Variants in TBC1D5 observed in about 807,000 individuals in gnomAD.
The protein encoded by TBC1D5 is TBC1 domain family, member 5.
A neutral mutation model predicts 100.3 loss-of-function variants in TBC1D5; 75 were observed. That is an observed-to-expected ratio of 0.75 (90% confidence interval 0.62 to 0.91). The LOEUF is 0.91. Ranked by LOEUF, TBC1D5 falls within the 40% of genes least tolerant of loss-of-function variation. The pLI, the probability that TBC1D5 is intolerant of heterozygous loss-of-function variation, is 0.00. For synonymous variants in TBC1D5, 323 were observed against 325.6 expected, an observed-to-expected ratio of 0.99 and a Z score of 0.09; for missense variants, 910 against 942.4, an observed-to-expected ratio of 0.97 and a Z score of 0.45.
intron 3 of TBC1D5, among the ~76,000 whole-genome samples, chr3:17,463,865 C>T (rs2095256242): frequency 6.6e-6 from 1 of 151,760 alleles, no homozygotes; most frequent in Non-Finnish European, 1.5e-5. Flanking sequence ...TATCTCTTCT[C>T]ACAGCTGTTG....
chr3:17,243,520 A>G (rs990903635), intron 16 of TBC1D5, among the ~76,000 whole-genome samples: 2 of 152,210 alleles, frequency 1.3e-5, no homozygotes, highest in African/African-American at 4.8e-5. Flanking sequence ...AATTAAAAAC[A>G]GTAGTAAGAG....
intron 1 of TBC1D5, among the ~76,000 whole-genome samples, chr3:17,724,923 AACT>A (rs1286519392): frequency 6.6e-6 from 1 of 152,136 alleles, no homozygotes; most frequent in African/African-American, 2.4e-5. Flanking sequence ...ATCTGCTGTT[AACT>A]ACACCCAACT....
chr3:17,160,760 C>T (rs2065953350), exon 22 of TBC1D5: 1 of 643,072 alleles, frequency 1.6e-6, no homozygotes, highest in Non-Finnish European at 2.5e-6. Context: ...AAAGCCCTGT[C>T]TGCATGTGGC....
chr3:17,426,427 A>G (rs2094337168), intron 4 of TBC1D5, among the ~76,000 whole-genome samples: 1 of 152,072 alleles, frequency 6.6e-6, no homozygotes, highest in Admixed American at 6.6e-5. Context: ...TCACACCTTA[A>G]ATACTATAAT....
At chr3:17,464,602 T>C (rs991022506) in intron 3 of TBC1D5, among the ~76,000 whole-genome samples, 3 of 152,178 alleles carry the variant, frequency 2.0e-5, no homozygotes, top group African/African-American at 7.2e-5. Context: ...TCTAACCTTA[T>C]TTAACTTACT....
At chr3:17,390,429 C>A (rs2093318208) in intron 8 of TBC1D5, among the ~76,000 whole-genome samples, 1 of 152,062 alleles carries the variant, frequency 6.6e-6, no homozygotes, top group Admixed American at 6.6e-5. Flanking sequence ...AGGGTTTTGT[C>A]ACCACATTAT....
intron 16 of TBC1D5, among the ~76,000 whole-genome samples, chr3:17,242,343 A>T (rs1283404588): frequency 1.3e-5 from 2 of 152,072 alleles, no homozygotes; most frequent in African/African-American, 4.8e-5. Flanking sequence ...TATTTTTTAG[A>T]TTTGATATTA....
intron 18 of TBC1D5, among the ~76,000 whole-genome samples, chr3:17,208,915 C>A (rs1420599480): frequency 6.6e-6 from 1 of 152,120 alleles, no homozygotes; most frequent in African/African-American, 2.4e-5. Flanking sequence ...ATACATTCTA[C>A]TTTGCTGTAA....
intron 15 of TBC1D5, among the ~76,000 whole-genome samples, chr3:17,271,311 C>G (rs949387778): frequency 6.6e-6 from 1 of 152,036 alleles, no homozygotes; most frequent in African/African-American, 2.4e-5. Context: ...TTGCAGTTCT[C>G]CTTGTAGAGA....
intron 4 of TBC1D5, among the ~76,000 whole-genome samples, chr3:17,426,626 A>G (rs1380356446): frequency 1.3e-5 from 2 of 152,088 alleles, no homozygotes; most frequent in African/African-American, 2.4e-5. Context: ...TATTTAGTTA[A>G]CAACGTAAGT....
intron 2 of TBC1D5, among the ~76,000 whole-genome samples, chr3:17,557,186 T>A (rs951401055): frequency 1.3e-5 from 2 of 152,208 alleles, no homozygotes; most frequent in African/African-American, 4.8e-5. Context: ...CATCAATAAT[T>A]GATCATAATA....
intron 15 of TBC1D5, among the ~76,000 whole-genome samples, chr3:17,271,304 C>T (rs553739581): frequency 3.3e-5 from 5 of 152,146 alleles, no homozygotes; most frequent in African/African-American, 1.2e-4. Flanking sequence ...CAGTGTTTTG[C>T]AGTTCTCCTT....
intron 1 of TBC1D5, among the ~76,000 whole-genome samples, chr3:17,698,743 C>A (rs1271566724): frequency 1.8e-3 from 277 of 149,902 alleles, no homozygotes; most frequent in Non-Finnish European, 2.2e-3. Flanking sequence ...GGATATGAAC[C>A]GACACTTCTC....
intron 1 of TBC1D5, among the ~76,000 whole-genome samples, chr3:17,691,091 TACATTTTG>T (rs1393776083): frequency 1.3e-5 from 2 of 152,208 alleles, no homozygotes; most frequent in African/African-American, 4.8e-5. Context: ...AAACTGAGCT[TACATTTTG>T]ATGGCTGCAC....
intron 2 of TBC1D5, among the ~76,000 whole-genome samples, chr3:17,601,821 G>A (rs940739643): frequency 2.6e-5 from 4 of 152,084 alleles, no homozygotes; most frequent in African/African-American, 4.8e-5. Flanking sequence ...CAGTTAATAA[G>A]TGGGTTTTTT....
intron 3 of TBC1D5, among the ~76,000 whole-genome samples, chr3:17,431,782 G>A (rs1177275536): frequency 6.6e-6 from 1 of 152,040 alleles, no homozygotes; most frequent in Non-Finnish European, 1.5e-5. Context: ...TACTAAGCCA[G>A]AAAGGATAAC....
At chr3:17,629,406 T>C (rs1050386660) in intron 1 of TBC1D5, among the ~76,000 whole-genome samples, 3 of 152,240 alleles carry the variant, frequency 2.0e-5, no homozygotes, top group Non-Finnish European at 2.9e-5. Context: ...TATTTGTTTC[T>C]GTAACAGCTG....
At chr3:17,379,395 A>G (rs2092840865) in intron 9 of TBC1D5, among the ~76,000 whole-genome samples, 1 of 152,076 alleles carries the variant, frequency 6.6e-6, no homozygotes, top group African/African-American at 2.4e-5. Flanking sequence ...GGCTAGTTTA[A>G]TAAGAGTTCT....
intron 2 of TBC1D5, among the ~76,000 whole-genome samples, chr3:17,538,830 G>C (rs1380611336): frequency 6.6e-6 from 1 of 152,180 alleles, no homozygotes; most frequent in Non-Finnish European, 1.5e-5. Context: ...CTTGAGGCCA[G>C]GAGTTGAAGA....
Sources: gnomAD v4.1 joint callset for allele counts (sites outside exome capture counted in the v4.1 genomes callset) on GRCh38, gnomAD v4.1.1 for gene constraint, MANE v1.5 for transcripts, NCBI Gene and HGNC (gene_info 2026-07-23, HGNC 2026-07-21) for gene names.